Variants in GMEB2 observed in about 807,000 individuals in gnomAD.
The protein encoded by GMEB2 is glucocorticoid modulatory element binding protein 2, also known as glucocorticoid modulatory element-binding protein 2.
GMEB2 carries 7 observed loss-of-function variants against 45.7 expected under a neutral mutation model. The ratio of observed to expected loss-of-function variants is 0.15; its 90% CI spans 0.09 to 0.29. The LOEUF is 0.29. Ranked by LOEUF, GMEB2 falls within the 10% of genes least tolerant of loss-of-function variation. The probability of loss-of-function intolerance (pLI) is 1.00; values close to 1 mark genes in which losing one functional copy is unlikely to be tolerated. For missense variants in GMEB2, 582 were observed against 739.2 expected (o/e 0.79, Z 2.47); for synonymous variants, 322 against 323.6 (o/e 1.00, Z 0.05).
At chr20:63,626,352 T>TGC in intron 1 of GMEB2, among the ~76,000 whole-genome samples, 1 of 135,728 alleles carries the variant, frequency 7.4e-6, no homozygotes. Flanking sequence ...GGGTGGCCCC[T>TGC]GGGAATCGCG....
chr20:63,596,207 G>A (rs1012618789), intron 5 of GMEB2, among the ~76,000 whole-genome samples: 2 of 152,258 alleles, frequency 1.3e-5, no homozygotes, highest in East Asian at 3.8e-4. Flanking sequence ...TCCTTCTAAA[G>A]GCACAGAGAC....
chr20:63,626,144 G>A (rs2089669820), intron 1 of GMEB2, among the ~76,000 whole-genome samples: 1 of 152,220 alleles, frequency 6.6e-6, no homozygotes, highest in Non-Finnish European at 1.5e-5. Flanking sequence ...ACAGATCCAG[G>A]TCCCGCCTGT....
intron 1 of GMEB2, among the ~76,000 whole-genome samples, chr20:63,624,981 C>T (rs949093935): frequency 2.0e-5 from 3 of 152,140 alleles, no homozygotes; most frequent in East Asian, 1.9e-4. Flanking sequence ...GCTGGGATTA[C>T]AGGCGTGAGC....
intron 2 of GMEB2, among the ~76,000 whole-genome samples, chr20:63,608,685 G>C (rs2089539848): frequency 2.1e-5 from 1 of 47,220 alleles, no homozygotes; most frequent in African/African-American, 7.7e-5. Context: ...CTAGAAACAT[G>C]TCCCTCTGAC....
intron 2 of GMEB2, among the ~76,000 whole-genome samples, chr20:63,607,276 C>G (rs1338203583): frequency 1.4e-5 from 2 of 138,636 alleles, no homozygotes; most frequent in Non-Finnish European, 3.1e-5. Context: ...ACCCCACATC[C>G]ATTTCTAGAA....
At chr20:63,626,318 G>A (rs553054133) in intron 1 of GMEB2, among the ~76,000 whole-genome samples, 29 of 149,194 alleles carry the variant, frequency 1.9e-4, no homozygotes, top group Non-Finnish European at 3.4e-4. Flanking sequence ...TATGGGTCGC[G>A]TCCCTGCGGG....
chr20:63,617,898 G>A (rs2089620810), intron 2 of GMEB2, among the ~76,000 whole-genome samples: 1 of 152,194 alleles, frequency 6.6e-6, no homozygotes, highest in South Asian at 2.1e-4. Context: ...CTCTCCCCAG[G>A]TCAGAAATGA....
At position 63,590,457 on chromosome 20, in the gene GMEB2, C is replaced by G; in HGVS notation, c.1225G>C (p.Val409Leu). ...GCCTGAAGGGAACCCTTGCCCAGGA[C>G]GGTGGACGGCAGGGTGGACACCACT... ...GKVVSTLPSTVLGKGSLQAPP... is the reference protein window; with the variant it reads ...GKVVSTLPSTLLGKGSLQAPP... Residue 409 changes from valine to leucine, a missense_variant, in exon 10 of 10, where the codon GTC (valine) becomes CTC (leucine). Val to Leu is a conservative substitution (Grantham distance 32). Around this residue, in one of 3 missense-constraint regions of GMEB2, gnomAD observed 462 missense variants for 586.7 expected, o/e 0.79. Coordinates refer to ENST00000370077, the MANE Select transcript of GMEB2 (RefSeq NM_012384.5). 1 of 1,520,938 alleles carries G rather than the reference C, an allele frequency of 6.6e-7. No individual in the cohort carries two copies. Among genetic ancestry groups the G allele is most frequent in the Non-Finnish European group, 8.9e-7 (1 of 1,128,096 alleles). 94.2% of individuals were successfully genotyped at this position (1,520,938 alleles called of 1,614,324 possible).
At chr20:63,625,075 T>C (rs901030379) in intron 1 of GMEB2, among the ~76,000 whole-genome samples, 3 of 152,182 alleles carry the variant, frequency 2.0e-5, no homozygotes, top group African/African-American at 7.2e-5. Context: ...ATAGTGCAAG[T>C]CCTTGATACA....
chr20:63,617,504 G>A (rs960627429), intron 2 of GMEB2, among the ~76,000 whole-genome samples: 1 of 152,154 alleles, frequency 6.6e-6, no homozygotes, highest in Non-Finnish European at 1.5e-5. Context: ...TAAGACACAC[G>A]CCATCTGGGG....
chr20:63,617,262 C>T (rs1279725055), intron 2 of GMEB2, among the ~76,000 whole-genome samples: 2 of 152,128 alleles, frequency 1.3e-5, no homozygotes, highest in African/African-American at 2.4e-5. Context: ...AGGTATGAGC[C>T]ACCGCGCCTG....
chr20:63,625,677 A>C (rs2089666324), intron 1 of GMEB2, among the ~76,000 whole-genome samples: 1 of 151,636 alleles, frequency 6.6e-6, no homozygotes, highest in Non-Finnish European at 1.5e-5. Flanking sequence ...CACTCACTGC[A>C]ACCTCTGCCT....
At chr20:63,605,562 G>C (rs77859100) in intron 2 of GMEB2, among the ~76,000 whole-genome samples, 2 of 150,478 alleles carry the variant, frequency 1.3e-5, no homozygotes, top group Admixed American at 6.6e-5. Flanking sequence ...CAGAGGCTGC[G>C]CAGGTCTGAG....
At chr20:63,611,548 G>A (rs1229903068) in intron 2 of GMEB2, among the ~76,000 whole-genome samples, 1 of 151,716 alleles carries the variant, frequency 6.6e-6, no homozygotes, top group Non-Finnish European at 1.5e-5. Context: ...GGAGGTGGAG[G>A]CTGCTGCAGT....
At chr20:63,599,895 A>T (rs946129341) in intron 4 of GMEB2, among the ~76,000 whole-genome samples, 1 of 152,174 alleles carries the variant, frequency 6.6e-6, no homozygotes, top group Non-Finnish European at 1.5e-5. Flanking sequence ...TGGGCCCTCA[A>T]CACTTGTGTA....
rs1161940314 is a variant in GMEB2 at position 63,592,241 on chromosome 20, C to T, written c.830-97G>A. On this transcript the variant is annotated intron_variant, in intron 8 of 9. Coordinates refer to ENST00000370077, the MANE Select transcript of GMEB2 (RefSeq NM_012384.5). This position sits in a 1 kb window ranked among gnomAD's most constrained non-coding sequence, Gnocchi z 8.2. ...AGCCCGGGACCTTCCTAGAGAGTCA[C>T]GTGGACGCTCGGTGAGAGCCTGGGC... 2.6e-6 allele frequency: 3 copies of T among 1,162,182 alleles called. No homozygotes were observed. Among genetic ancestry groups the T allele is most frequent in the Non-Finnish European group, 3.7e-6 (3 of 815,496 alleles). 72.0% of individuals were successfully genotyped at this position (1,162,182 alleles called of 1,614,324 possible).
At chr20:63,626,722 G>T (rs1364337741) in intron 1 of GMEB2, among the ~76,000 whole-genome samples, 1 of 149,606 alleles carries the variant, frequency 6.7e-6, no homozygotes, top group Non-Finnish European at 1.5e-5. Flanking sequence ...CGCCCGCGGC[G>T]CCAAGATGGA....
chr20:63,590,976 C>T (rs192599042), intron 9 of GMEB2, among the ~76,000 whole-genome samples: 8 of 152,246 alleles, frequency 5.3e-5, no homozygotes, highest in Admixed American at 1.3e-4. Flanking sequence ...TGCACTGACC[C>T]GGGGCCTGTG....
In GMEB2 at chr20:63,592,439, C is replaced by A; in HGVS notation, c.829+94G>T. ...AGATTCAGCCTCCAACCCAGCAGCA[C>A]AGAAGGGCCTAGGGGCAGGAGGGCC... On this transcript the variant is annotated intron_variant, in intron 8 of 9. Coordinates refer to ENST00000370077, the MANE Select transcript of GMEB2 (RefSeq NM_012384.5). The surrounding 1 kb of genome is among the most constrained non-coding windows in gnomAD (Gnocchi z 8.2). 1.0e-6 allele frequency: 1 copy of A among 968,946 alleles called. No individual in the cohort carries two copies. The highest frequency in any genetic ancestry group is 1.6e-6 in the Non-Finnish European group (1 of 644,926). The allele number at this position is 968,946 out of a possible 1,614,324, so 60.0% of individuals were successfully genotyped here. A position where few individuals can be genotyped will look rare whatever the true frequency, so the allele number is the denominator to read the frequency against.
Sources: gnomAD v4.1 joint callset for allele counts (sites outside exome capture counted in the v4.1 genomes callset) on GRCh38, gnomAD v4.1.1 for gene constraint, gnomAD v4.1.1 regional missense constraint, Gnocchi (gnomAD v3.1) non-coding constraint, MANE v1.5 for transcripts, NCBI Gene and HGNC (gene_info 2026-07-23, HGNC 2026-07-21) for gene names.